The following GRID2 variants were observed in gnomAD, a reference collection of about 807,000 sequenced individuals.
GRID2 encodes glutamate ionotropic receptor delta type subunit 2.
In GRID2, 33 loss-of-function variants were observed where a neutral mutation model predicts 114.8. That is an observed-to-expected ratio of 0.29 (90% confidence interval 0.22 to 0.38). The LOEUF (loss-of-function observed/expected upper bound fraction) is 0.38, where lower values mean the gene tolerates loss of function less well. Ranked by LOEUF, GRID2 falls within the 10% of genes least tolerant of loss-of-function variation. The pLI, the probability that GRID2 is intolerant of heterozygous loss-of-function variation, is 1.00. For missense variants in GRID2, 1,184 were observed against 1,257.7 expected (o/e 0.94, Z 0.89); for synonymous variants, 505 against 449.9 (o/e 1.12, Z -1.55).
chr4:93,503,170 G>A (rs1044819991), intron 12 of GRID2, among the ~76,000 whole-genome samples: 3 of 152,086 alleles, frequency 2.0e-5, no homozygotes, highest in Non-Finnish European at 4.4e-5. Flanking sequence ...TGAGTATGGA[G>A]CATCCTTCTG....
At chr4:93,526,672 G>A (rs1730937821) in intron 13 of GRID2, among the ~76,000 whole-genome samples, 1 of 152,092 alleles carries the variant, frequency 6.6e-6, no homozygotes, top group Admixed American at 6.6e-5. Flanking sequence ...AGCCAGGTGT[G>A]GTGGCGCATG....
Position 93,207,464 on chromosome 4 carries a change from C to T in GRID2, c.789+7C>T. The T allele has an allele frequency of 6.5e-7, 1 of 1,538,986 alleles. No homozygotes were observed. ...CTGGATCATTATAAATGAGGTAAAG[C>T]CAACTAAACCTTATTGTTAACTCTG... On this transcript the variant is annotated splice_region_variant and intron_variant, in intron 5 of 15. Transcript: ENST00000282020.
At chr4:93,190,039 A>G (rs1740834405) in intron 4 of GRID2, among the ~76,000 whole-genome samples, 1 of 152,060 alleles carries the variant, frequency 6.6e-6, no homozygotes, top group African/African-American at 2.4e-5. Context: ...AACTTGTCAC[A>G]TTGACTTTGC....
At chr4:92,432,285 G>C (rs1422718734) in intron 1 of GRID2, among the ~76,000 whole-genome samples, 1 of 152,078 alleles carries the variant, frequency 6.6e-6, no homozygotes, top group African/African-American at 2.4e-5. Context: ...GGGTTCTTTA[G>C]TTAGCAGGTG....
intron 2 of GRID2, among the ~76,000 whole-genome samples, chr4:92,657,013 T>G (rs1248910838): frequency 6.6e-6 from 1 of 151,730 alleles, no homozygotes; most frequent in African/African-American, 2.4e-5. Flanking sequence ...GCTTACAGTA[T>G]GGAATTTCCA....
intron 14 of GRID2, among the ~76,000 whole-genome samples, chr4:93,667,860 A>T (rs1724082424): frequency 6.6e-6 from 1 of 152,094 alleles, no homozygotes; most frequent in Non-Finnish European, 1.5e-5. Context: ...ATTTAACGTA[A>T]TGCAGTGTAG....
intron 2 of GRID2, among the ~76,000 whole-genome samples, chr4:92,719,326 A>T (rs1015191553): frequency 6.6e-6 from 1 of 152,144 alleles, no homozygotes; most frequent in Non-Finnish European, 1.5e-5. Flanking sequence ...TGAAGTTATA[A>T]AACACTTTTA....
intron 7 of GRID2, among the ~76,000 whole-genome samples, chr4:93,237,212 A>G (rs1034264771): frequency 3.9e-5 from 6 of 151,972 alleles, no homozygotes; most frequent in Non-Finnish European, 5.9e-5. Flanking sequence ...TAGATAATAG[A>G]AACTGGCTGA....
intron 1 of GRID2, among the ~76,000 whole-genome samples, chr4:93,785,276 A>G (rs751028074): frequency 1.6e-4 from 24 of 152,220 alleles, no homozygotes; most frequent in Non-Finnish European, 3.4e-4. Flanking sequence ...GGTGTTTGCA[A>G]TCTACTGGGG....
chr4:93,412,211 G>A (rs1405774649), intron 9 of GRID2, among the ~76,000 whole-genome samples: 1 of 151,374 alleles, frequency 6.6e-6, no homozygotes. Flanking sequence ...ACAAGCCTGG[G>A]CAGCATAGTA....
chr4:92,744,732 C>T (rs1470785212), intron 2 of GRID2, among the ~76,000 whole-genome samples: 1 of 152,056 alleles, frequency 6.6e-6, no homozygotes, highest in Non-Finnish European at 1.5e-5. Context: ...GCAAATGCTC[C>T]AGTTCCATGA....
intron 3 of GRID2, among the ~76,000 whole-genome samples, chr4:93,097,381 ATTTTAAAC>A (rs1179636550): frequency 1.3e-5 from 2 of 151,988 alleles, no homozygotes; most frequent in Admixed American, 1.3e-4. Flanking sequence ...AAATATCATA[ATTTTAAAC>A]TAAACACATA....
intron 1 of GRID2, among the ~76,000 whole-genome samples, chr4:92,438,100 C>A (rs1024278789): frequency 1.3e-5 from 2 of 152,126 alleles, no homozygotes; most frequent in Admixed American, 6.5e-5. Flanking sequence ...TTATGACTTT[C>A]CATCGTTGGT....
At chr4:93,066,774 C>T (rs189927882) in intron 2 of GRID2, among the ~76,000 whole-genome samples, 1 of 152,006 alleles carries the variant, frequency 6.6e-6, no homozygotes, top group East Asian at 1.9e-4. Flanking sequence ...TACAGTTTGT[C>T]TTTGGCATAT....
chr4:92,481,473 A>T (rs1472110903), intron 1 of GRID2, among the ~76,000 whole-genome samples: 1 of 152,114 alleles, frequency 6.6e-6, no homozygotes, highest in Non-Finnish European at 1.5e-5. Context: ...AGTCTTCCTC[A>T]TTGCTTGTTT....
At chr4:92,420,768 T>C (rs1731864846) in intron 1 of GRID2, among the ~76,000 whole-genome samples, 1 of 152,188 alleles carries the variant, frequency 6.6e-6, no homozygotes, top group Non-Finnish European at 1.5e-5. Flanking sequence ...CACTGCAACA[T>C]CCACCTTCTG....
At chr4:92,448,468 G>A (rs894509249) in intron 1 of GRID2, among the ~76,000 whole-genome samples, 4 of 151,966 alleles carry the variant, frequency 2.6e-5, no homozygotes, top group Non-Finnish European at 5.9e-5. Context: ...TACCCAGCCC[G>A]AGTAGTATTG....
chr4:93,057,235 C>A (rs1330304766), intron 2 of GRID2, among the ~76,000 whole-genome samples: 1 of 151,420 alleles, frequency 6.6e-6, no homozygotes, highest in Non-Finnish European at 1.5e-5. Context: ...TGGTCAATGT[C>A]AATTACGACT....
intron 13 of GRID2, among the ~76,000 whole-genome samples, chr4:93,615,120 G>T (rs567388109): frequency 6.6e-6 from 1 of 152,220 alleles, no homozygotes; most frequent in South Asian, 2.1e-4. Flanking sequence ...ACAAGCATTT[G>T]ACTATAAAAT....
Sources: gnomAD v4.1 joint callset for allele counts (sites outside exome capture counted in the v4.1 genomes callset) on GRCh38, gnomAD v4.1.1 for gene constraint, MANE v1.5 for transcripts, NCBI Gene and HGNC (gene_info 2026-07-23, HGNC 2026-07-21) for gene names.